The following GRB2 variants were observed in gnomAD, a reference collection of about 807,000 sequenced individuals.
The protein encoded by GRB2 is growth factor receptor-bound protein 2.
A neutral mutation model predicts 27.4 loss-of-function variants in GRB2; 2 were observed. The ratio of observed to expected loss-of-function variants is 0.07; its 90% CI spans 0.03 to 0.23. The LOEUF is 0.23. Ranked by LOEUF, GRB2 falls within the 10% of genes least tolerant of loss-of-function variation. The probability of loss-of-function intolerance (pLI) is 1.00; values close to 1 mark genes in which losing one functional copy is unlikely to be tolerated. For missense variants in GRB2, 102 were observed against 282.4 expected, an observed-to-expected ratio of 0.36 and a Z score of 4.58; for synonymous variants, 94 against 99.6, an observed-to-expected ratio of 0.94 and a Z score of 0.33.
intron 2 of GRB2, chr17:75,372,862 G>A (rs1330270539): frequency 6.6e-6 from 1 of 152,184 alleles, no homozygotes; most frequent in Admixed American, 6.5e-5. Context: ...CATTCGATGA[G>A]AAATAACATC....
At chr17:75,335,480 G>A (rs1015054665) in intron 2 of GRB2, among the ~76,000 whole-genome samples, 2 of 152,176 alleles carry the variant, frequency 1.3e-5, no homozygotes, top group Non-Finnish European at 2.9e-5. Context: ...CATTCAAAGT[G>A]AGATGCAATA....
At chr17:75,378,156 T>TG (rs984122168) in intron 2 of GRB2, among the ~76,000 whole-genome samples, 9 of 150,972 alleles carry the variant, frequency 6.0e-5, no homozygotes, top group South Asian at 2.1e-4. Flanking sequence ...GAGGCCGAGG[T>TG]GGGGGGGAGG....
At chr17:75,371,408 A>G (rs903390108) in intron 2 of GRB2, 5 of 152,214 alleles carry the variant, frequency 3.3e-5, no homozygotes, top group African/African-American at 9.7e-5. Flanking sequence ...ATTGAGTGAC[A>G]CAAAGAGGAT....
At chr17:75,335,056 A>G (rs191103167) in intron 2 of GRB2, among the ~76,000 whole-genome samples, 60 of 152,144 alleles carry the variant, frequency 3.9e-4, no homozygotes, top group African/African-American at 1.4e-3. Flanking sequence ...CTCCTGCCTC[A>G]GCTTACCTAA....
At chr17:75,330,254 T>C (rs1222018032) in intron 3 of GRB2, among the ~76,000 whole-genome samples, 2 of 151,510 alleles carry the variant, frequency 1.3e-5, no homozygotes, top group African/African-American at 4.8e-5. Flanking sequence ...TGGTGGCACA[T>C]GCCTGTAATC....
intron 1 of GRB2, among the ~76,000 whole-genome samples, chr17:75,402,204 AAAAC>A (rs1051799812): frequency 2.6e-5 from 4 of 152,230 alleles, no homozygotes; most frequent in African/African-American, 9.6e-5. Context: ...CTGAGAGTGA[AAAAC>A]AAAACAGTTA....
chr17:75,366,487 T>A (rs1425921859), intron 2 of GRB2, among the ~76,000 whole-genome samples: 2 of 122,352 alleles, frequency 1.6e-5, no homozygotes, highest in East Asian at 5.4e-4. Flanking sequence ...CACAGGAGTT[T>A]GAGATCAGCT....
intron 3 of GRB2, among the ~76,000 whole-genome samples, chr17:75,332,312 C>A (rs1032651290): frequency 4.6e-5 from 7 of 152,038 alleles, no homozygotes; most frequent in Non-Finnish European, 7.4e-5. Context: ...TCTGGGGATA[C>A]AAAGATATTA....
In GRB2 at chr17:75,402,092, G is replaced by A. The variant is rs142777279; in HGVS notation, c.-138+3397C>T. 4.7e-3 allele frequency among the ~76,000 whole-genome samples: 716 copies of A among 152,270 alleles called. 5 individuals are homozygous for A. The highest frequency in any genetic ancestry group is 0.016 in the African/African-American group (668 of 41,530). ...TAGCCTAGCCTACCTTACCTTAAATGTGCTCCAAACACATTAGCCTACAGT... is the reference window on the plus strand; with the variant it reads ...TAGCCTAGCCTACCTTACCTTAAATATGCTCCAAACACATTAGCCTACAGT... On this transcript the variant is annotated intron_variant, in intron 1 of 5. Transcript: ENST00000316804.
intron 1 of GRB2, among the ~76,000 whole-genome samples, chr17:75,398,941 T>G (rs1432826167): frequency 6.6e-6 from 1 of 151,718 alleles, no homozygotes; most frequent in African/African-American, 2.4e-5. Flanking sequence ...AGAGACAGGA[T>G]TTCGCCATGT....
chr17:75,330,711 A>AC (rs2078534838), intron 3 of GRB2, among the ~76,000 whole-genome samples: 1 of 151,850 alleles, frequency 6.6e-6, no homozygotes, highest in African/African-American at 2.4e-5. Flanking sequence ...AAAAAACAAA[A>AC]AAAAAAAAGG....
At chr17:75,367,249 C>T (rs1598241201) in intron 2 of GRB2, among the ~76,000 whole-genome samples, 1 of 152,184 alleles carries the variant, frequency 6.6e-6, no homozygotes, top group African/African-American at 2.4e-5. Context: ...TGGCTCACTG[C>T]AGCCGCGACC....
chr17:75,320,385 C>T lies in GRB2; in HGVS notation c.637G>A (p.Val213Met), dbSNP rs765384707. 3.1e-6 allele frequency: 5 copies of T among 1,613,802 alleles called. No individual in the cohort carries two copies. The highest frequency in any genetic ancestry group is 2.7e-5 in the African/African-American group (2 of 74,902). Residue 213 changes from valine to methionine, a missense_variant, in exon 6 of 6, where the codon GTG (valine) becomes ATG (methionine). By Grantham distance (21) the Val-to-Met change is conservative (BLOSUM62 1). Transcript: ENST00000316804. The surrounding 1 kb of genome is among the most constrained non-coding windows in gnomAD (Gnocchi z 4.3). ...GMFPRNYVTP[V>M]NRNV ...CTTGACTCTTAGACGTTCCGGTTCA[C>T]GGGGGTGACATAATTGCGGGGAAAC...
At chr17:75,340,375 C>T (rs1001293237) in intron 2 of GRB2, among the ~76,000 whole-genome samples, 3 of 152,162 alleles carry the variant, frequency 2.0e-5, no homozygotes, top group Admixed American at 6.5e-5. Flanking sequence ...CTTCAAAGAA[C>T]CCAGATAAAA....
chr17:75,321,034 A>G (rs1321997631), intron 5 of GRB2, among the ~76,000 whole-genome samples: 2 of 152,076 alleles, frequency 1.3e-5, no homozygotes, highest in African/African-American at 4.8e-5. Flanking sequence ...TCACAAGCAT[A>G]GTTTTCCTCA....
rs1169529422 is a variant in GRB2 at position 75,325,638 on chromosome 17, AG to A, written c.299+259del. Among the ~76,000 whole-genome samples the A allele has an allele frequency of 5.9e-5, 9 of 152,388 alleles. No homozygotes were observed. The East Asian group carries it at 1.7e-3, about 29-fold the overall frequency. On this transcript the variant is annotated intron_variant, in intron 4 of 5. Coordinates refer to ENST00000316804, the MANE Select transcript of GRB2 (RefSeq NM_002086.5). ...CAGAAGCTCAGGAGTGCTGGGCACT[AG>A]GGAAAACTGGCAGGCTCCAGCTGGC...
intron 2 of GRB2, among the ~76,000 whole-genome samples, chr17:75,359,831 T>C (rs1241119171): frequency 6.6e-6 from 1 of 152,200 alleles, no homozygotes; most frequent in Non-Finnish European, 1.5e-5. Context: ...AATATACTCT[T>C]TTCTCTACTA....
At chr17:75,390,492 T>C (rs1015624525) in intron 2 of GRB2, among the ~76,000 whole-genome samples, 1 of 152,134 alleles carries the variant, frequency 6.6e-6, no homozygotes, top group African/African-American at 2.4e-5. Flanking sequence ...AAACCTGCAG[T>C]GGAAGGGCAA....
chr17:75,382,608 A>G (rs1281170429), intron 2 of GRB2, among the ~76,000 whole-genome samples: 3 of 152,266 alleles, frequency 2.0e-5, no homozygotes, highest in Admixed American at 1.3e-4. Context: ...GTTAGGACAG[A>G]AAGTAAAAGA....
Sources: allele counts gnomAD v4.1 joint callset (sites outside exome capture counted in the v4.1 genomes callset), GRCh38; gene constraint gnomAD v4.1.1; non-coding constraint Gnocchi (gnomAD v3.1); transcripts MANE v1.5; gene names NCBI Gene and HGNC (gene_info 2026-07-23, HGNC 2026-07-21).